NFIB: variants seen among roughly 807,000 people sequenced by gnomAD.
NFIB encodes the protein nuclear factor I B, also known as nuclear factor 1 B-type.
Under a neutral mutation model 61.5 loss-of-function variants are expected in NFIB, and 11 were observed. The observed-to-expected ratio is 0.18, with a 90% confidence interval of 0.11 to 0.30. NFIB has a LOEUF of 0.30. Among genes scored for constraint, NFIB ranks in the 10% least tolerant of loss-of-function variants. The pLI, the probability that NFIB is intolerant of heterozygous loss-of-function variation, is 1.00. For synonymous variants in NFIB, 260 were observed against 216.5 expected, an observed-to-expected ratio of 1.20 and a Z score of -1.76; for missense variants, 471 against 608.9, an observed-to-expected ratio of 0.77 and a Z score of 2.38.
the NFIB span, among the ~76,000 whole-genome samples, chr9:14,462,357 A>G: frequency 6.7e-6 from 1 of 149,542 alleles, no homozygotes; most frequent in African/African-American, 2.5e-5. Context: ...ATCTTGGCTC[A>G]CTGCAAGCTC....
At chr9:14,172,616 C>T (rs995767065) in intron 3 of NFIB, among the ~76,000 whole-genome samples, 2 of 152,166 alleles carry the variant, frequency 1.3e-5, no homozygotes, top group Admixed American at 1.3e-4. Flanking sequence ...ACAACATTTG[C>T]TTTCTAAAAA....
In NFIB at chr9:14,307,895, T is replaced by C. The variant is rs551102534; in HGVS notation, c.31-375A>G. On this transcript the variant is annotated intron_variant, in intron 1 of 10. Transcript: ENST00000380953. This position sits in a 1 kb window ranked among gnomAD's most constrained non-coding sequence, Gnocchi z 5.3. ...CCTAATATAGTATTTCAATATTTGA[T>C]TGACCAACTAACACTATGCAGTACC... 2.9e-5 allele frequency: 5 copies of C among 172,888 alleles called. No homozygotes were observed. The highest frequency in any genetic ancestry group is 5.5e-5 in the Admixed American group (1 of 18,264). The allele number at this position is 172,888 out of a possible 1,614,324, so 10.7% of individuals were successfully genotyped here.
chr9:14,429,552 A>G, the NFIB span, among the ~76,000 whole-genome samples: 1 of 152,228 alleles, frequency 6.6e-6, no homozygotes, highest in African/African-American at 2.4e-5. Flanking sequence ...CAGAATTGTC[A>G]ATGTCTCATG....
intron 1 of NFIB, among the ~76,000 whole-genome samples, chr9:14,398,286 C>T (rs918316639): frequency 2.0e-5 from 3 of 152,186 alleles, no homozygotes; most frequent in African/African-American, 7.2e-5. Flanking sequence ...TTCCCCGAAA[C>T]ATCTACAATT....
chr9:14,144,381 G>A (rs542690466), intron 6 of NFIB, among the ~76,000 whole-genome samples: 2 of 152,256 alleles, frequency 1.3e-5, no homozygotes, highest in South Asian at 4.1e-4. Context: ...GACAAGGAAA[G>A]TATGGCTTTG....
chr9:14,451,119 G>C, the NFIB span, among the ~76,000 whole-genome samples: 1 of 152,190 alleles, frequency 6.6e-6, no homozygotes, highest in African/African-American at 2.4e-5. Context: ...AAACATTTGA[G>C]GTGTTACCAA....
intron 4 of NFIB, 58 bp from the exon 5 acceptor site, chr9:14,150,323 AAATGT>A: frequency 6.2e-7 from 1 of 1,607,922 alleles, no homozygotes; most frequent in Non-Finnish European, 8.5e-7. Context: ...ACCTCTATTC[AAATGT>A]AATAATCGAG....
the NFIB span, among the ~76,000 whole-genome samples, chr9:14,404,925 A>C: frequency 6.6e-6 from 1 of 152,160 alleles, no homozygotes; most frequent in African/African-American, 2.4e-5. Context: ...GTTTGGCATG[A>C]TTTTGGCTGA....
At chr9:14,477,691 A>T in the NFIB span, among the ~76,000 whole-genome samples, 1 of 152,214 alleles carries the variant, frequency 6.6e-6, no homozygotes, top group Non-Finnish European at 1.5e-5. Flanking sequence ...TACTGAAATG[A>T]AAGTATACAA....
chr9:14,137,250 A>G (rs1222579480), intron 6 of NFIB, among the ~76,000 whole-genome samples: 1 of 152,216 alleles, frequency 6.6e-6, no homozygotes, highest in Non-Finnish European at 1.5e-5. Flanking sequence ...CTCAATCTCT[A>G]TCAATCATTT....
chr9:14,182,162 G>C (rs1048242900), intron 2 of NFIB, among the ~76,000 whole-genome samples: 3 of 152,008 alleles, frequency 2.0e-5, no homozygotes, highest in Admixed American at 1.3e-4. Context: ...CAACTTCTTC[G>C]ATTGAAAAAA....
chr9:14,350,581 G>A (rs1249992916), intron 1 of NFIB, among the ~76,000 whole-genome samples: 1 of 152,156 alleles, frequency 6.6e-6, no homozygotes, highest in Non-Finnish European at 1.5e-5. Context: ...GATCTCTCAA[G>A]AATTGAAAAC....
chr9:14,174,712 A>G (rs184857128), intron 3 of NFIB, among the ~76,000 whole-genome samples: 258 of 150,182 alleles, frequency 1.7e-3, no homozygotes, highest in Middle Eastern at 0.014. Context: ...GGTTGCAGTG[A>G]GCCGAGATCA....
At chr9:14,518,781 A>T in the NFIB span, among the ~76,000 whole-genome samples, 17 of 152,106 alleles carry the variant, frequency 1.1e-4, no homozygotes, top group Non-Finnish European at 2.2e-4. Flanking sequence ...GAGCATGAGA[A>T]GTAGAGATCT....
chr9:14,435,100 T>C, the NFIB span, among the ~76,000 whole-genome samples: 1 of 152,334 alleles, frequency 6.6e-6, no homozygotes, highest in East Asian at 1.9e-4. Flanking sequence ...TATGGCCACA[T>C]AGAAGATTCT....
intron 1 of NFIB, among the ~76,000 whole-genome samples, chr9:14,346,394 C>T (rs1448216256): frequency 6.6e-6 from 1 of 150,522 alleles, no homozygotes; most frequent in Non-Finnish European, 1.5e-5. Context: ...TGATAGGAGC[C>T]GTCTGGCCAA....
intron 3 of NFIB, among the ~76,000 whole-genome samples, chr9:14,167,849 C>T (rs937842390): frequency 1.3e-5 from 2 of 152,032 alleles, no homozygotes; most frequent in African/African-American, 4.8e-5. Flanking sequence ...TAGTATACTC[C>T]CTAGTAAACA....
chr9:14,152,274 T>C (rs2042948117), intron 4 of NFIB, among the ~76,000 whole-genome samples: 2 of 152,102 alleles, frequency 1.3e-5, no homozygotes, highest in Non-Finnish European at 2.9e-5. Context: ...ATCCAATGAG[T>C]AACTAAGTGC....
chr9:14,175,538 T>C (rs549868241), intron 3 of NFIB, among the ~76,000 whole-genome samples: 41 of 152,310 alleles, frequency 2.7e-4, no homozygotes, highest in African/African-American at 9.9e-4. Flanking sequence ...ATAATCCTTC[T>C]TTGATTTACT....
Sources: gnomAD v4.1 joint callset for allele counts (sites outside exome capture counted in the v4.1 genomes callset) on GRCh38, gnomAD v4.1.1 for gene constraint, Gnocchi (gnomAD v3.1) non-coding constraint, MANE v1.5 for transcripts, NCBI Gene and HGNC (gene_info 2026-07-23, HGNC 2026-07-21) for gene names.